MAPK14: variants seen among roughly 807,000 people sequenced by gnomAD.
MAPK14 encodes the protein CSAID-binding protein.
In MAPK14, 16 loss-of-function variants were observed where a neutral mutation model predicts 49.6. That is an observed-to-expected ratio of 0.32 (90% confidence interval 0.22 to 0.49). MAPK14 has a LOEUF of 0.49. MAPK14 is among the 20% of genes least tolerant of loss of function. MAPK14 has a pLI of 0.99. For missense variants in MAPK14, 200 were observed against 441.2 expected (o/e 0.45, Z 4.90); for synonymous variants, 142 against 158.0 (o/e 0.90, Z 0.76).
chr6:36,079,287 A>G (rs2127448719), intron 8 of MAPK14, among the ~76,000 whole-genome samples: 1 of 152,320 alleles, frequency 6.6e-6, no homozygotes, highest in South Asian at 2.1e-4. Context: ...TCTAATTTGC[A>G]GAACTCCTCT....
chr6:36,067,711 ATT>A (rs768689170), intron 3 of MAPK14, among the ~76,000 whole-genome samples: 2 of 152,156 alleles, frequency 1.3e-5, no homozygotes, highest in Non-Finnish European at 2.9e-5. Flanking sequence ...CTGCTGAATG[ATT>A]CTTTTACCCC....
chr6:36,038,261 A>G (rs1252724782), intron 1 of MAPK14, among the ~76,000 whole-genome samples: 2 of 152,198 alleles, frequency 1.3e-5, no homozygotes, highest in African/African-American at 2.4e-5. Context: ...ATGTGATAAC[A>G]TTCTAGGCTG....
At chr6:36,032,061 G>A (rs1027403400) in intron 1 of MAPK14, among the ~76,000 whole-genome samples, 1 of 151,928 alleles carries the variant, frequency 6.6e-6, no homozygotes, top group East Asian at 1.9e-4. Context: ...GGATTATAGG[G>A]ATGAGCCACC....
chr6:36,119,215 G>A, the MAPK14 span, among the ~76,000 whole-genome samples: 2 of 152,126 alleles, frequency 1.3e-5, no homozygotes, highest in African/African-American at 4.8e-5. Flanking sequence ...TCCTCCTTCA[G>A]CCACAATCAT....
chr6:36,112,783 C>CA (rs1765998288), downstream of MAPK14, among the ~76,000 whole-genome samples: 1 of 152,168 alleles, frequency 6.6e-6, no homozygotes, highest in African/African-American at 2.4e-5. Flanking sequence ...CATTATTTAT[C>CA]AACTTCATCA....
rs111234964 is a variant in MAPK14 at position 36,028,791 on chromosome 6, C to CT, written c.116+539dup. 0.12 allele frequency among the ~76,000 whole-genome samples: 12,264 copies of CT among 100,240 alleles called. 1,130 individuals carry two copies. The highest frequency in any genetic ancestry group is 0.46 in the East Asian group (1,326 of 2,878). The allele number at this position is 100,240 out of a possible 152,430, so 65.8% of individuals were successfully genotyped here. A position where few individuals can be genotyped will look rare whatever the true frequency, so the allele number is the denominator to read the frequency against. On this transcript the variant is annotated intron_variant, in intron 1 of 11. Coordinates refer to ENST00000229794, the MANE Select transcript of MAPK14 (RefSeq NM_139012.3). This position sits in a 1 kb window ranked among gnomAD's most constrained non-coding sequence, Gnocchi z 5.1. ...ACCAGGAAGGGAGCTCTCTCCGGGC[C>CT]TTTTTTTTTTTTTTTTTTTTTCAAA...
chr6:36,100,333 G>A (rs548872051), intron 9 of MAPK14: 106 of 1,192,070 alleles, frequency 8.9e-5, no homozygotes, highest in Non-Finnish European at 1.2e-4. Flanking sequence ...TATTGCCACC[G>A]TATAACCAAC....
At chr6:36,117,682 A>G in the MAPK14 span, among the ~76,000 whole-genome samples, 1 of 152,130 alleles carries the variant, frequency 6.6e-6, no homozygotes, top group African/African-American at 2.4e-5. Flanking sequence ...TGTACCAATA[A>G]TAGAGAGTGG....
At chr6:36,088,341 G>GT (rs1765072904) in intron 8 of MAPK14, among the ~76,000 whole-genome samples, 1 of 152,136 alleles carries the variant, frequency 6.6e-6, no homozygotes, top group Non-Finnish European at 1.5e-5. Flanking sequence ...ATGGGAGACA[G>GT]TTTTTGCAAT....
intron 1 of MAPK14, among the ~76,000 whole-genome samples, chr6:36,045,808 C>CAAAA (rs371920281): frequency 0.016 from 709 of 43,678 alleles, no homozygotes; most frequent in Non-Finnish European, 0.023. Context: ...GACTCTGTCT[C>CAAAA]AAAAAAAAAA....
rs143911159 is a variant in MAPK14, at chr6:36,047,736, A to ATT, written c.117-4948_117-4947dup. Among the ~76,000 whole-genome samples the ATT allele has an allele frequency of 1.9e-3, 261 of 137,684 alleles. 2 individuals are homozygous for ATT. In the South Asian group the frequency reaches 0.038, roughly 20 times the overall value. The allele number at this position is 137,684 out of a possible 152,430, so 90.3% of individuals were successfully genotyped here. On this transcript the variant is annotated intron_variant, in intron 1 of 11. Transcript: ENST00000229794. Reference sequence around the variant, plus strand: ...GGGCATGGTGGCCCATGCCTGACTAATTTTTTTTTTTTTTTTGAGATGAAG... The same window carrying ATT: ...GGGCATGGTGGCCCATGCCTGACTAATTTTTTTTTTTTTTTTTTGAGATGAAG...
At chr6:36,046,392 G>A (rs1394276420) in intron 1 of MAPK14, among the ~76,000 whole-genome samples, 1 of 152,126 alleles carries the variant, frequency 6.6e-6, no homozygotes, top group Non-Finnish European at 1.5e-5. Flanking sequence ...TGAAAACAAG[G>A]TTTTACTTGT....
At chr6:36,072,537 C>CG (rs1397819668) in intron 3 of MAPK14, among the ~76,000 whole-genome samples, 1 of 151,872 alleles carries the variant, frequency 6.6e-6, no homozygotes, top group African/African-American at 2.4e-5. Context: ...GAGGCTGAGG[C>CG]GGGGGGATCA....
intron 1 of MAPK14, among the ~76,000 whole-genome samples, chr6:36,043,016 C>CG (rs1763025758): frequency 6.6e-6 from 1 of 151,640 alleles, no homozygotes; most frequent in Non-Finnish European, 1.5e-5. Flanking sequence ...AGCAGCTACT[C>CG]GGGAAGCTGA....
intron 4 of MAPK14, among the ~76,000 whole-genome samples, chr6:36,073,403 C>T (rs1304095025): frequency 6.6e-6 from 1 of 152,166 alleles, no homozygotes; most frequent in African/African-American, 2.4e-5. Context: ...GGCAGATAAA[C>T]AGTGTTTTAA....
intron 2 of MAPK14, 110 bp downstream of exon 2, chr6:36,052,938 T>A: frequency 2.3e-6 from 2 of 886,352 alleles, no homozygotes; most frequent in Non-Finnish European, 3.3e-6. Context: ...CGTTGGTCCC[T>A]GCTCCTTGTC....
chr6:36,046,296 GA>G (rs1249080836), intron 1 of MAPK14, among the ~76,000 whole-genome samples: 2 of 152,124 alleles, frequency 1.3e-5, no homozygotes, highest in African/African-American at 4.8e-5. Context: ...ACAATTGGGG[GA>G]AAAACTTGTT....
At chr6:36,066,316 C>A (rs1203528879) in intron 3 of MAPK14, among the ~76,000 whole-genome samples, 1 of 151,982 alleles carries the variant, frequency 6.6e-6, no homozygotes, top group Non-Finnish European at 1.5e-5. Context: ...AGTCTGCTAC[C>A]CCTTCTTATT....
At chr6:36,101,021 A>G (rs935857349) in intron 9 of MAPK14, among the ~76,000 whole-genome samples, 1 of 152,180 alleles carries the variant, frequency 6.6e-6, no homozygotes, top group Non-Finnish European at 1.5e-5. Context: ...TTTTATTTAC[A>G]TGTTCAAGTA....
Sources: gnomAD v4.1 joint callset for allele counts (sites outside exome capture counted in the v4.1 genomes callset) on GRCh38, gnomAD v4.1.1 for gene constraint, Gnocchi (gnomAD v3.1) non-coding constraint, MANE v1.5 for transcripts, NCBI Gene and HGNC (gene_info 2026-07-23, HGNC 2026-07-21) for gene names.